The following PHACTR1 variants were observed in gnomAD, a reference collection of about 807,000 sequenced individuals.
The protein encoded by PHACTR1 is phosphatase and actin regulator 1.
In PHACTR1, 16 loss-of-function variants were observed where a neutral mutation model predicts 69.2. The ratio of observed to expected loss-of-function variants is 0.23; its 90% CI spans 0.16 to 0.35. The LOEUF (loss-of-function observed/expected upper bound fraction) is 0.35. Ranked by LOEUF, PHACTR1 falls within the 10% of genes least tolerant of loss-of-function variation. The probability of loss-of-function intolerance (pLI) is 1.00; values close to 1 mark genes in which losing one functional copy is unlikely to be tolerated. For missense variants in PHACTR1, 510 were observed against 734.7 expected (o/e 0.69, Z 3.54); for synonymous variants, 312 against 284.5 (o/e 1.10, Z -0.97).
At chr6:13,188,376 T>C (rs1763084561) in intron 7 of PHACTR1, among the ~76,000 whole-genome samples, 1 of 152,218 alleles carries the variant, frequency 6.6e-6, no homozygotes, top group African/African-American at 2.4e-5. Flanking sequence ...ATCTGGGCCA[T>C]GTCAGAAGGA....
intron 4 of PHACTR1, among the ~76,000 whole-genome samples, chr6:12,907,785 A>G (rs1299684892): frequency 6.6e-6 from 1 of 152,150 alleles, no homozygotes; most frequent in East Asian, 1.9e-4. Context: ...TGTTAAGAAG[A>G]TAGAATTGGG....
chr6:12,953,626 A>G (rs1287788232), intron 4 of PHACTR1, among the ~76,000 whole-genome samples: 3 of 152,220 alleles, frequency 2.0e-5, no homozygotes, highest in Non-Finnish European at 2.9e-5. Flanking sequence ...TGCCACAGCT[A>G]TTAGAAATTG....
At chr6:13,031,508 A>C (rs6936052) in intron 4 of PHACTR1, among the ~76,000 whole-genome samples, 127,722 of 152,078 alleles carry the variant, frequency 0.84, 53,861 homozygotes, top group East Asian at 0.99. Context: ...CTTTAAGATG[A>C]GGGGTGATAC....
At chr6:12,921,201 C>T (rs1446398230) in intron 4 of PHACTR1, among the ~76,000 whole-genome samples, 1 of 152,216 alleles carries the variant, frequency 6.6e-6, no homozygotes, top group Non-Finnish European at 1.5e-5. Flanking sequence ...CATGATCACA[C>T]AACTAGAAAG....
At position 12,877,099 on chromosome 6, in the gene PHACTR1, G is replaced by A. The variant is rs1008193934; in HGVS notation, c.250+127309G>A. 4.1e-4 allele frequency among the ~76,000 whole-genome samples: 62 copies of A among 152,216 alleles called. 2 individuals carry two copies. Among genetic ancestry groups the A allele is most frequent in the African/African-American group, 1.2e-3 (50 of 41,538 alleles). ...CAGAATCCACTCAAATGCTAATCTC[G>A]TCCCAATGCACCCTCACAGACACAT... On this transcript the variant is annotated intron_variant, in intron 4 of 14. Coordinates refer to ENST00000332995, the MANE Select transcript of PHACTR1 (RefSeq NM_030948.6).
intron 5 of PHACTR1, among the ~76,000 whole-genome samples, chr6:13,090,375 A>G (rs534061410): frequency 2.7e-4 from 41 of 149,676 alleles, no homozygotes; most frequent in Admixed American, 4.7e-4. Flanking sequence ...GACTTCTACT[A>G]AAGTTGTTCT....
intron 4 of PHACTR1, among the ~76,000 whole-genome samples, chr6:12,822,900 T>C (rs1258350663): frequency 6.6e-6 from 1 of 152,116 alleles, no homozygotes; most frequent in African/African-American, 2.4e-5. Context: ...CAGCGGACAA[T>C]GCCGTTTGAT....
intron 4 of PHACTR1, among the ~76,000 whole-genome samples, chr6:12,921,501 AAAGAAGGAAGGAAGGAAG>A (rs2127512642): frequency 7.1e-6 from 1 of 140,452 alleles, no homozygotes; most frequent in South Asian, 2.5e-4. Context: ...GGAAGGAAGG[AAAGAAGGAAGGAAGGAAG>A]GGGAGGGAGG....
At chr6:13,274,518 G>A (rs999496933) in intron 11 of PHACTR1, 5 of 152,182 alleles carry the variant, frequency 3.3e-5, no homozygotes, top group Admixed American at 2.6e-4. Flanking sequence ...CTCACAGCCC[G>A]CTGCTGTACT....
At chr6:12,832,744 G>A (rs1264328960) in intron 4 of PHACTR1, among the ~76,000 whole-genome samples, 2 of 152,026 alleles carry the variant, frequency 1.3e-5, no homozygotes, top group African/African-American at 4.8e-5. Flanking sequence ...AGACCTTTAA[G>A]CTGTTATTTG....
At chr6:12,941,467 G>T (rs1790047982) in intron 4 of PHACTR1, among the ~76,000 whole-genome samples, 1 of 152,106 alleles carries the variant, frequency 6.6e-6, no homozygotes, top group Non-Finnish European at 1.5e-5. Flanking sequence ...CAGGCTGATT[G>T]TAAGTAAAGA....
chr6:12,771,664 C>T (rs982704847), intron 4 of PHACTR1, among the ~76,000 whole-genome samples: 4 of 152,158 alleles, frequency 2.6e-5, no homozygotes, highest in Admixed American at 6.5e-5. Flanking sequence ...TTGCTTTACC[C>T]GACTGTAACT....
chr6:12,852,358 C>A (rs1443885647), intron 4 of PHACTR1, among the ~76,000 whole-genome samples: 1 of 152,112 alleles, frequency 6.6e-6, no homozygotes, highest in African/African-American at 2.4e-5. Flanking sequence ...AAGTCATAAT[C>A]TCAATCAGAA....
At chr6:13,169,414 C>T (rs1338090825) in intron 6 of PHACTR1, among the ~76,000 whole-genome samples, 1 of 152,068 alleles carries the variant, frequency 6.6e-6, no homozygotes, top group African/African-American at 2.4e-5. Context: ...ATCCTGTAGT[C>T]ATGTAAATTG....
chr6:12,789,557 A>G (rs1303283093), intron 4 of PHACTR1, among the ~76,000 whole-genome samples: 1 of 152,074 alleles, frequency 6.6e-6, no homozygotes, highest in African/African-American at 2.4e-5. Flanking sequence ...TCCAGACTCT[A>G]TACTCACACA....
intron 4 of PHACTR1, among the ~76,000 whole-genome samples, chr6:12,986,518 G>A (rs892599929): frequency 2.2e-4 from 33 of 152,136 alleles, no homozygotes; most frequent in African/African-American, 3.1e-4. Context: ...ATGCTCTTGC[G>A]TTCATTATTC....
intron 6 of PHACTR1, among the ~76,000 whole-genome samples, chr6:13,169,002 G>T (rs1760221725): frequency 6.6e-6 from 1 of 152,180 alleles, no homozygotes; most frequent in South Asian, 2.1e-4. Flanking sequence ...AGCAAGACAT[G>T]AATCAGGGAT....
chr6:13,244,908 A>G (rs1234223352), intron 10 of PHACTR1, among the ~76,000 whole-genome samples: 2 of 152,250 alleles, frequency 1.3e-5, no homozygotes, highest in Non-Finnish European at 1.5e-5. Context: ...TGGGGAAGTG[A>G]TAAGTGTCCA....
chr6:12,971,860 C>G (rs1420921847), intron 4 of PHACTR1, among the ~76,000 whole-genome samples: 6 of 152,102 alleles, frequency 3.9e-5, no homozygotes, highest in Admixed American at 3.9e-4. Context: ...TTGTTGTTAT[C>G]CCAGTTGAGG....
Sources: allele counts gnomAD v4.1 joint callset (sites outside exome capture counted in the v4.1 genomes callset), GRCh38; gene constraint gnomAD v4.1.1; transcripts MANE v1.5; gene names NCBI Gene and HGNC (gene_info 2026-07-23, HGNC 2026-07-21).